The following TOB2 variants were observed in gnomAD, a reference collection of about 807,000 sequenced individuals.
TOB2 encodes the protein protein Tob2.
A neutral mutation model predicts 17.3 loss-of-function variants in TOB2; 3 were observed. The ratio of observed to expected loss-of-function variants is 0.17; its 90% CI spans 0.08 to 0.45. The LOEUF (loss-of-function observed/expected upper bound fraction) is 0.45. Among genes scored for constraint, TOB2 ranks in the 20% least tolerant of loss-of-function variants. The pLI is 0.99. For synonymous variants in TOB2, 163 were observed against 185.6 expected (o/e 0.88, Z 0.99); for missense variants, 407 against 445.7 (o/e 0.91, Z 0.78).
intron 1 of TOB2, among the ~76,000 whole-genome samples, chr22:41,442,039 C>T (rs149101329): frequency 5.4e-5 from 8 of 148,166 alleles, no homozygotes; most frequent in African/African-American, 1.5e-4. Flanking sequence ...TGCAGTAAGC[C>T]GAGATCATGC....
intron 1 of TOB2, among the ~76,000 whole-genome samples, chr22:41,443,621 ATT>A (rs71184808): frequency 0.72 from 78,512 of 108,932 alleles, 28,182 homozygotes; most frequent in East Asian, 0.86. Context: ...TAGCCAGAAG[ATT>A]TTTTTTTTTT....
In TOB2 at chr22:41,433,577, G is replaced by C; in HGVS notation, c.*2734C>G. ...CAGATTTGATCAATCTTTTTGTTTT[G>C]TTTTTAAACTAAAATCTCTAAACAC... On this transcript the variant is annotated 3_prime_UTR_variant, in exon 2 of 2. Coordinates refer to ENST00000327492, the MANE Select transcript of TOB2 (RefSeq NM_016272.4). 5.1e-6 allele frequency: 1 copy of C among 197,488 alleles called. No individual in the cohort carries two copies. The highest frequency in any genetic ancestry group is 1.1e-5 in the Non-Finnish European group (1 of 92,208). The allele number at this position is 197,488 out of a possible 1,614,324, so 12.2% of individuals were successfully genotyped here.
chr22:41,441,674 G>A (rs540607732), intron 1 of TOB2, among the ~76,000 whole-genome samples: 1 of 152,254 alleles, frequency 6.6e-6, no homozygotes, highest in East Asian at 1.9e-4. Context: ...AGCACTTTGC[G>A]AGGCTGAGGC....
intron 1 of TOB2, among the ~76,000 whole-genome samples, chr22:41,441,084 G>A (rs969657162): frequency 2.0e-5 from 3 of 151,616 alleles, no homozygotes; most frequent in East Asian, 2.0e-4. Flanking sequence ...TTGGGAGGCC[G>A]TGGCGAGTGG....
chr22:41,439,387 T>C (rs923352298), intron 1 of TOB2, among the ~76,000 whole-genome samples: 1 of 152,212 alleles, frequency 6.6e-6, no homozygotes, highest in African/African-American at 2.4e-5. Flanking sequence ...CTTGGGGATT[T>C]TGAGTTTTCT....
chr22:41,441,242 G>A (rs191949128), intron 1 of TOB2, among the ~76,000 whole-genome samples: 1 of 151,468 alleles, frequency 6.6e-6, no homozygotes, highest in East Asian at 1.9e-4. Flanking sequence ...TTGAACCCAG[G>A]AGGCGGAGGT....
intron 1 of TOB2, among the ~76,000 whole-genome samples, chr22:41,440,305 G>T (rs1341030733): frequency 6.7e-6 from 1 of 148,562 alleles, no homozygotes; most frequent in African/African-American, 2.5e-5. Flanking sequence ...TTTCAGTAGA[G>T]ACGGGGTTTC....
At chr22:41,439,482 CGTATGTATGTATGTATGTATGTATGTAT>C (rs6147628) in intron 1 of TOB2, among the ~76,000 whole-genome samples, 8 of 147,982 alleles carry the variant, frequency 5.4e-5, no homozygotes, top group African/African-American at 2.0e-4. Flanking sequence ...TTTAATTTTA[CGTATGTATGTATGTATGTATGTATGTAT>C]GTATGTATGT....
chr22:41,444,357 T>C (rs2037656291), intron 1 of TOB2, among the ~76,000 whole-genome samples: 1 of 152,174 alleles, frequency 6.6e-6, no homozygotes, highest in Non-Finnish European at 1.5e-5. Flanking sequence ...AAGGCCCCTT[T>C]CGGCTATGAA....
In TOB2 at chr22:41,434,803, C is replaced by T. The variant is rs2037527565; in HGVS notation, c.*1508G>A. Reference sequence around the variant, plus strand: ...TCCTAGAGTTGGAGGAACAAGCCCTCTCCTGGCAGAGGCAGGAGAGCAAGT... The same window carrying T: ...TCCTAGAGTTGGAGGAACAAGCCCTTTCCTGGCAGAGGCAGGAGAGCAAGT... On this transcript the variant is annotated 3_prime_UTR_variant, in exon 2 of 2. Coordinates refer to ENST00000327492, the MANE Select transcript of TOB2 (RefSeq NM_016272.4). 1 of 152,682 alleles carries T rather than the reference C, an allele frequency of 6.5e-6. No individual in the cohort carries two copies. Among genetic ancestry groups the T allele is most frequent in the South Asian group, 2.1e-4 (1 of 4,824 alleles). The allele number at this position is 152,682 out of a possible 1,614,324, so 9.5% of individuals were successfully genotyped here.
In TOB2 at chr22:41,436,130, A is replaced by T. The variant is rs113833863; in HGVS notation, c.*181T>A. 1.6e-5 allele frequency: 11 copies of T among 693,570 alleles called. No individual in the cohort carries two copies. The highest frequency in any genetic ancestry group is 1.3e-4 in the African/African-American group (7 of 55,810). The allele number at this position is 693,570 out of a possible 1,614,324, so 43.0% of individuals were successfully genotyped here. On this transcript the variant is annotated 3_prime_UTR_variant, in exon 2 of 2. Transcript: ENST00000327492. The surrounding 1 kb of genome is among the most constrained non-coding windows in gnomAD (Gnocchi z 4.8). Reference sequence around the variant, plus strand: ...TGGGCGAGCGGTAAGGGGTGAGTGAAACACACTTGGGTGCTTTGCAGGGCC... The same window carrying T: ...TGGGCGAGCGGTAAGGGGTGAGTGATACACACTTGGGTGCTTTGCAGGGCC...
At chr22:41,437,549 T>G (rs2037568417) in intron 1 of TOB2, 142 bp from the exon 2 acceptor site, 1 of 1,009,286 alleles carries the variant, frequency 9.9e-7, no homozygotes, top group African/African-American at 1.6e-5. Context: ...TGTCTGACTG[T>G]GGGCCCCAGT....
At chr22:41,442,099 A>C (rs1187962517) in intron 1 of TOB2, among the ~76,000 whole-genome samples, 1 of 151,378 alleles carries the variant, frequency 6.6e-6, no homozygotes, top group Admixed American at 6.6e-5. Context: ...TGCCTCAAAA[A>C]AAAAAAAAAA....
chr22:41,444,862 T>C (rs575273635), intron 1 of TOB2, among the ~76,000 whole-genome samples: 1 of 152,292 alleles, frequency 6.6e-6, no homozygotes, highest in African/African-American at 2.4e-5. Flanking sequence ...TGGGCTGGCT[T>C]AGATAAGGTC....
intron 1 of TOB2, among the ~76,000 whole-genome samples, chr22:41,443,940 A>C (rs1392312934): frequency 6.6e-6 from 1 of 152,170 alleles, no homozygotes; most frequent in East Asian, 1.9e-4. Flanking sequence ...GGTTTTTCAG[A>C]AAGAAAATTC....
intron 1 of TOB2, among the ~76,000 whole-genome samples, chr22:41,444,325 G>A (rs893844796): frequency 3.3e-5 from 5 of 152,122 alleles, no homozygotes; most frequent in African/African-American, 1.2e-4. Context: ...GACACAGACC[G>A]GTCAACCTTA....
intron 1 of TOB2, among the ~76,000 whole-genome samples, chr22:41,444,587 C>T (rs1206968479): frequency 6.6e-6 from 1 of 152,226 alleles, no homozygotes; most frequent in East Asian, 1.9e-4. Flanking sequence ...ATACGCATGC[C>T]CGGTAAGGGG....
At chr22:41,444,855 G>A (rs1397275287) in intron 1 of TOB2, among the ~76,000 whole-genome samples, 1 of 152,180 alleles carries the variant, frequency 6.6e-6, no homozygotes, top group Non-Finnish European at 1.5e-5. Context: ...AAGGGGGTGG[G>A]CTGGCTTAGA....
At chr22:41,443,910 G>A (rs950262793) in intron 1 of TOB2, among the ~76,000 whole-genome samples, 1 of 152,202 alleles carries the variant, frequency 6.6e-6, no homozygotes, top group African/African-American at 2.4e-5. Flanking sequence ...ACAGGCGTGA[G>A]CCACCGCACC....
Sources: gnomAD v4.1 joint callset for allele counts (sites outside exome capture counted in the v4.1 genomes callset) on GRCh38, gnomAD v4.1.1 for gene constraint, Gnocchi (gnomAD v3.1) non-coding constraint, MANE v1.5 for transcripts, NCBI Gene and HGNC (gene_info 2026-07-23, HGNC 2026-07-21) for gene names.